The following SH3PXD2A variants were observed in gnomAD, a reference collection of about 807,000 sequenced individuals.
SH3PXD2A encodes SH3 and PX domain-containing protein 2A.
Under a neutral mutation model 115.2 loss-of-function variants are expected in SH3PXD2A, and 32 were observed. The observed-to-expected ratio is 0.28, with a 90% CI of 0.21 to 0.37. The LOEUF (loss-of-function observed/expected upper bound fraction) is 0.37, where lower values mean the gene tolerates loss of function less well. SH3PXD2A is among the 10% of genes least tolerant of loss of function. The pLI is 1.00. For synonymous variants in SH3PXD2A, 610 were observed against 629.1 expected (o/e 0.97, Z 0.45); for missense variants, 1,328 against 1,498.7 (o/e 0.89, Z 1.88).
intron 1 of SH3PXD2A, among the ~76,000 whole-genome samples, chr10:103,836,947 C>T (rs1187101823): frequency 6.6e-6 from 1 of 151,616 alleles, no homozygotes; most frequent in Non-Finnish European, 1.5e-5. Flanking sequence ...TCCTTAGACA[C>T]TTACTGATGC....
In SH3PXD2A at chr10:103,800,050, C is replaced by T. The variant is rs570505914; in HGVS notation, c.153+1232G>A. On this transcript the variant is annotated intron_variant, in intron 2 of 14. Coordinates refer to ENST00000369774, the MANE Select transcript of SH3PXD2A (RefSeq NM_001394015.1). ...ATGACCTCTCCAAGATGACTGACAA[C>T]CAAAGGCCTGCCAAGAAAGGAGTGG... Among the ~76,000 whole-genome samples the T allele has an allele frequency of 1.2e-3, 190 of 152,274 alleles. 1 individual carries two copies. The highest frequency in any genetic ancestry group is 4.4e-3 in the African/African-American group (181 of 41,550).
chr10:103,768,173 A>G (rs1465509877), intron 2 of SH3PXD2A, among the ~76,000 whole-genome samples: 1 of 152,242 alleles, frequency 6.6e-6, no homozygotes, highest in Non-Finnish European at 1.5e-5. Flanking sequence ...GCGCTCAGGG[A>G]GTTTACACTC....
intron 3 of SH3PXD2A, among the ~76,000 whole-genome samples, chr10:103,765,317 C>T (rs1179652468): frequency 6.6e-6 from 1 of 152,188 alleles, no homozygotes; most frequent in Non-Finnish European, 1.5e-5. Context: ...GAGGTCTCTG[C>T]TGACTTCCTC....
At chr10:103,726,228 T>C (rs1052959841) in intron 4 of SH3PXD2A, among the ~76,000 whole-genome samples, 5 of 152,228 alleles carry the variant, frequency 3.3e-5, no homozygotes, top group Non-Finnish European at 7.3e-5. Flanking sequence ...GACAGGACCC[T>C]GTCCCATACC....
chr10:103,803,558 A>T (rs867951154), intron 1 of SH3PXD2A, among the ~76,000 whole-genome samples: 3 of 152,350 alleles, frequency 2.0e-5, no homozygotes, highest in South Asian at 2.1e-4. Context: ...CAGAGAAGCT[A>T]AGTAACTTGC....
intron 1 of SH3PXD2A, among the ~76,000 whole-genome samples, chr10:103,844,286 G>A (rs1265750874): frequency 6.6e-6 from 1 of 152,218 alleles, no homozygotes; most frequent in Non-Finnish European, 1.5e-5. Context: ...CAGCCCAGGA[G>A]GCAGAATTCA....
chr10:103,652,443 C>A (rs1386194961), intron 8 of SH3PXD2A, among the ~76,000 whole-genome samples: 1 of 152,128 alleles, frequency 6.6e-6, no homozygotes, highest in Non-Finnish European at 1.5e-5. Flanking sequence ...GTTATGGAAT[C>A]TGAAAAGATG....
At chr10:103,622,443 G>C in intron 10 of SH3PXD2A, 27 bp downstream of exon 10, 1 of 1,472,008 alleles carries the variant, frequency 6.8e-7, no homozygotes, top group Admixed American at 2.0e-5. Flanking sequence ...TCGCTGCGAG[G>C]GAGGAGAAGC....
rs753784595 is a variant in SH3PXD2A at position 103,602,929 on chromosome 10, G to A, written c.2289C>T (p.Asn763=). ...KPSVRPKPFL[N]RAESQSQEKM... ...TCTCTTGGCTCTGCGACTCTGCTCG[G>A]TTTAGGAATGGCTTGGGCCGGACCG... is the stretch of plus-strand genomic sequence containing the variant. The change falls in exon 15 of 15, where the codon AAC becomes AAT. Residue 763 remains asparagine (N), a synonymous_variant. Transcript: ENST00000369774. The A allele has an allele frequency of 1.9e-6, 3 of 1,614,240 alleles. No homozygotes were observed. In the Admixed American group the frequency reaches 5.0e-5, roughly 27 times the overall value.
At chr10:103,853,175 A>G (rs1374113213) in intron 1 of SH3PXD2A, among the ~76,000 whole-genome samples, 1 of 152,224 alleles carries the variant, frequency 6.6e-6, no homozygotes, top group African/African-American at 2.4e-5. Context: ...TTTGTCTGTA[A>G]AAAGGAAGGA....
At chr10:103,605,198 T>C (rs566422702) in intron 14 of SH3PXD2A, among the ~76,000 whole-genome samples, 1 of 152,272 alleles carries the variant, frequency 6.6e-6, no homozygotes, top group African/African-American at 2.4e-5. Flanking sequence ...GTGAGAGAAG[T>C]GACTGCATCA....
chr10:103,655,074 G>A (rs1457914293), intron 8 of SH3PXD2A, among the ~76,000 whole-genome samples: 3 of 152,166 alleles, frequency 2.0e-5, no homozygotes, highest in African/African-American at 4.8e-5. Context: ...ACTGGAGATC[G>A]TCTTGGGCCA....
chr10:103,721,589 C>T (rs371111402), intron 5 of SH3PXD2A, among the ~76,000 whole-genome samples: 2 of 152,250 alleles, frequency 1.3e-5, no homozygotes, highest in African/African-American at 4.8e-5. Flanking sequence ...CCACCATCAA[C>T]GATCCTGATC....
chr10:103,748,563 C>T (rs1313501828), intron 3 of SH3PXD2A, among the ~76,000 whole-genome samples: 3 of 152,134 alleles, frequency 2.0e-5, no homozygotes, highest in South Asian at 2.1e-4. Context: ...ATGGGCACTG[C>T]GCTGTGATGT....
At position 103,652,877 on chromosome 10, in the gene SH3PXD2A, G is replaced by A. The variant is rs114264871; in HGVS notation, c.604+8106C>T. Among the ~76,000 whole-genome samples, 997 of 152,244 alleles carry A rather than the reference G, an allele frequency of 6.5e-3. 8 individuals are homozygous for A. Among genetic ancestry groups the A allele is most frequent in the African/African-American group, 0.022 (919 of 41,532 alleles). ...TCTGTCAGCTCCGCTGCGGGGCTTC[G>A]AGTAGGCAGGCAGTGACAGCTGTAC... On this transcript the variant is annotated intron_variant, in intron 8 of 14. Transcript: ENST00000369774.
At chr10:103,820,049 C>G (rs2134288516) in intron 1 of SH3PXD2A, among the ~76,000 whole-genome samples, 1 of 152,212 alleles carries the variant, frequency 6.6e-6, no homozygotes, top group South Asian at 2.1e-4. Flanking sequence ...TGACTAAGAC[C>G]CTGAGGCATT....
chr10:103,642,299 G>C (rs2036967531), intron 8 of SH3PXD2A, among the ~76,000 whole-genome samples: 1 of 152,168 alleles, frequency 6.6e-6, no homozygotes, highest in African/African-American at 2.4e-5. Flanking sequence ...TGCCACAAAT[G>C]AAGAGGCTGA....
chr10:103,628,028 G>A (rs1190155483), intron 8 of SH3PXD2A, among the ~76,000 whole-genome samples: 4 of 152,162 alleles, frequency 2.6e-5, no homozygotes, highest in African/African-American at 7.2e-5. Flanking sequence ...GCTTCTCCCC[G>A]GGCAGCACTG....
chr10:103,822,348 G>T (rs917173140), intron 1 of SH3PXD2A, among the ~76,000 whole-genome samples: 14 of 152,180 alleles, frequency 9.2e-5, no homozygotes, highest in African/African-American at 2.9e-4. Flanking sequence ...GCAAAGACAG[G>T]GTGCTTCCTA....
Sources: gnomAD v4.1 joint callset for allele counts (sites outside exome capture counted in the v4.1 genomes callset) on GRCh38, gnomAD v4.1.1 for gene constraint, MANE v1.5 for transcripts, NCBI Gene and HGNC (gene_info 2026-07-23, HGNC 2026-07-21) for gene names.